MBD5: variants seen among roughly 807,000 people sequenced by gnomAD.
MBD5 encodes methyl-CpG-binding domain protein 5.
MBD5 carries 13 observed loss-of-function variants against 117.3 expected under a neutral mutation model. That is an observed-to-expected ratio of 0.11 (90% CI 0.07 to 0.18). The LOEUF (loss-of-function observed/expected upper bound fraction) is 0.18. MBD5 is among the 10% of genes least tolerant of loss of function. The pLI, the probability that MBD5 is intolerant of heterozygous loss-of-function variation, is 1.00. For synonymous variants in MBD5, 727 were observed against 766.4 expected (o/e 0.95, Z 0.85); for missense variants, 1,879 against 2,093.8 (o/e 0.90, Z 2.00).
At chr2:148,284,015 T>A (rs1701312693) in intron 3 of MBD5, among the ~76,000 whole-genome samples, 1 of 152,224 alleles carries the variant, frequency 6.6e-6, no homozygotes, top group South Asian at 2.1e-4. Flanking sequence ...TGATGTTTGT[T>A]TATATAAACA....
At chr2:148,232,044 G>C (rs373285534) in intron 2 of MBD5, among the ~76,000 whole-genome samples, 1 of 152,324 alleles carries the variant, frequency 6.6e-6, no homozygotes. Flanking sequence ...CAAGGAAAAA[G>C]AGTGTTTTAG....
In MBD5 at chr2:148,054,229, T is replaced by C. The variant is rs571312286; in HGVS notation, c.-925+32545T>C. On this transcript the variant is annotated intron_variant, in intron 1 of 13. Coordinates refer to ENST00000642680, the MANE Select transcript of MBD5 (RefSeq NM_001378120.1). The stretch of plus-strand genomic sequence containing the variant: ...GCGTGATCCAATGAACTTCTTTGAT[T>C]ATGTATAAATTCTCTTAGTTCATAT... Among the ~76,000 whole-genome samples the C allele has an allele frequency of 2.6e-5, 4 of 152,326 alleles. No individual in the cohort carries two copies. The East Asian group carries it at 7.7e-4, about 29-fold the overall frequency.
intron 3 of MBD5, among the ~76,000 whole-genome samples, chr2:148,313,771 A>G (rs560268298): frequency 2.0e-5 from 3 of 152,272 alleles, no homozygotes; most frequent in South Asian, 2.1e-4. Flanking sequence ...CTAGTGGTGT[A>G]GGCACCCAAG....
At position 148,512,013 on chromosome 2, in the gene MBD5, C is replaced by G. The variant is rs561086618; in HGVS notation, c.5113-857C>G. The stretch of plus-strand genomic sequence containing the variant: ...TGGCCAGGGTAAAAGTTTTACACCA[C>G]AGAAACTGGCAAAATGCTAAAATGG... On this transcript the variant is annotated intron_variant, in intron 13 of 13. Coordinates refer to ENST00000642680, the MANE Select transcript of MBD5 (RefSeq NM_001378120.1). 4.6e-5 allele frequency among the ~76,000 whole-genome samples: 7 copies of G among 152,266 alleles called. No homozygotes were observed. In the East Asian group the frequency reaches 1.4e-3, roughly 29 times the overall value.
intron 4 of MBD5, among the ~76,000 whole-genome samples, chr2:148,429,866 G>A (rs1705930552): frequency 6.6e-6 from 1 of 152,060 alleles, no homozygotes; most frequent in South Asian, 2.1e-4. Context: ...GGCTGGCGGA[G>A]GATAGCATTA....
Position 148,147,999 on chromosome 2 carries a change from C to A in MBD5, c.-924-30701C>A, listed in dbSNP as rs1697512720. On this transcript the variant is annotated intron_variant, in intron 1 of 13. Coordinates refer to ENST00000642680, the MANE Select transcript of MBD5 (RefSeq NM_001378120.1). The stretch of plus-strand genomic sequence containing the variant: ...AGTCGTTTTTGTAGACCCCTATGAA[C>A]ATTTTACTCTCCAATTTTTTTCTTT... 6.6e-5 allele frequency among the ~76,000 whole-genome samples: 10 copies of A among 152,272 alleles called. No homozygotes were observed. The South Asian group carries it at 2.1e-3, about 32-fold the overall frequency.
chr2:148,179,092 C>T (rs1698456597), intron 2 of MBD5, among the ~76,000 whole-genome samples: 2 of 152,146 alleles, frequency 1.3e-5, no homozygotes, highest in Admixed American at 1.3e-4. Flanking sequence ...CGGTGGCTCA[C>T]GCCTGTAATC....
At chr2:148,240,475 C>A (rs1304384338) in intron 3 of MBD5, among the ~76,000 whole-genome samples, 1 of 151,884 alleles carries the variant, frequency 6.6e-6, no homozygotes, top group Non-Finnish European at 1.5e-5. Context: ...GTCTCGAATG[C>A]CTGGGTTCAA....
intron 3 of MBD5, among the ~76,000 whole-genome samples, chr2:148,245,426 TA>T (rs1344102123): frequency 1.3e-5 from 2 of 151,870 alleles, no homozygotes; most frequent in Non-Finnish European, 2.9e-5. Flanking sequence ...AGGACAAAAA[TA>T]TTTTTTTTAA....
intron 11 of MBD5, among the ~76,000 whole-genome samples, chr2:148,500,691 C>T (rs1295412545): frequency 1.3e-5 from 2 of 152,186 alleles, no homozygotes; most frequent in Non-Finnish European, 2.9e-5. Flanking sequence ...TCAACCCCTT[C>T]TGAGGTCCCT....
intron 4 of MBD5, among the ~76,000 whole-genome samples, chr2:148,428,749 A>T (rs1705889868): frequency 1.3e-5 from 2 of 152,218 alleles, no homozygotes; most frequent in Admixed American, 6.5e-5. Context: ...TGGTGAAAGG[A>T]TTCCTTATTT....
chr2:148,444,473 T>C (rs1455808027), intron 4 of MBD5, among the ~76,000 whole-genome samples: 1 of 151,316 alleles, frequency 6.6e-6, no homozygotes, highest in Admixed American at 6.6e-5. Flanking sequence ...ACTTATCACA[T>C]CTCAAGGTTA....
At chr2:148,106,924 A>G (rs1334436262) in intron 1 of MBD5, among the ~76,000 whole-genome samples, 2 of 151,946 alleles carry the variant, frequency 1.3e-5, no homozygotes, top group Non-Finnish European at 2.9e-5. Flanking sequence ...CCTTAGGTTT[A>G]CTCACATATT....
chr2:148,160,500 C>A (rs77392223), intron 1 of MBD5, among the ~76,000 whole-genome samples: 1 of 152,060 alleles, frequency 6.6e-6, no homozygotes, highest in African/African-American at 2.4e-5. Flanking sequence ...GTAGTGTGGC[C>A]ATTATGTGCT....
At chr2:148,026,406 G>A in intron 1 of MBD5, 1 of 152,116 alleles carries the variant, frequency 6.6e-6, no homozygotes, top group Non-Finnish European at 1.5e-5. Flanking sequence ...TATAAGGAAT[G>A]TAGATACAGA....
chr2:148,104,573 T>TA (rs1261745807), intron 1 of MBD5, among the ~76,000 whole-genome samples: 1 of 152,194 alleles, frequency 6.6e-6, no homozygotes, highest in African/African-American at 2.4e-5. Flanking sequence ...CTTAACAGTT[T>TA]AAAAAATGAG....
intron 4 of MBD5, among the ~76,000 whole-genome samples, chr2:148,426,239 T>C (rs1474494304): frequency 1.3e-5 from 2 of 152,278 alleles, no homozygotes; most frequent in East Asian, 1.9e-4. Context: ...AGGTAATTTA[T>C]AGATTCAATG....
rs1296021116 is a variant in MBD5 at position 148,392,150 on chromosome 2, CTA to C, written c.-557+49816_-557+49817del. Among the ~76,000 whole-genome samples the C allele has an allele frequency of 3.9e-5, 6 of 151,956 alleles. No individual in the cohort carries two copies. In the South Asian group the frequency reaches 1.2e-3, roughly 32 times the overall value. Reference sequence around the variant, plus strand: ...TAATACAGACAAAGTTCATATTAGACTATGGTTTTTGGAAGACATGGTATCAC... The same window carrying C: ...TAATACAGACAAAGTTCATATTAGACTGGTTTTTGGAAGACATGGTATCAC... On this transcript the variant is annotated intron_variant, in intron 4 of 13. Coordinates refer to ENST00000642680, the MANE Select transcript of MBD5 (RefSeq NM_001378120.1).
At chr2:148,200,914 A>T (rs971695202) in intron 2 of MBD5, among the ~76,000 whole-genome samples, 1 of 152,170 alleles carries the variant, frequency 6.6e-6, no homozygotes, top group Non-Finnish European at 1.5e-5. Flanking sequence ...AACTTTTTTT[A>T]AAATTCATCA....
Sources: gnomAD v4.1 joint callset for allele counts (sites outside exome capture counted in the v4.1 genomes callset) on GRCh38, gnomAD v4.1.1 for gene constraint, MANE v1.5 for transcripts, NCBI Gene and HGNC (gene_info 2026-07-23, HGNC 2026-07-21) for gene names.